The following AP4E1 variants were observed in gnomAD, a reference collection of about 807,000 sequenced individuals.
AP4E1 encodes the protein AP-4 complex subunit epsilon-1.
In AP4E1, 56 loss-of-function variants were observed where a neutral mutation model predicts 128.2. The ratio of observed to expected loss-of-function variants is 0.44; its 90% CI spans 0.35 to 0.55. The LOEUF is 0.55. AP4E1 is among the 20% of genes least tolerant of loss of function. The pLI is 0.00. For missense variants in AP4E1, 1,324 were observed against 1,307.7 expected, an observed-to-expected ratio of 1.01 and a Z score of -0.19; for synonymous variants, 484 against 473.1, an observed-to-expected ratio of 1.02 and a Z score of -0.30.
At chr15:50,990,848 G>A (rs989838628) in intron 16 of AP4E1, among the ~76,000 whole-genome samples, 5 of 152,106 alleles carry the variant, frequency 3.3e-5, no homozygotes, top group African/African-American at 1.2e-4. Context: ...TTTGCCAGTT[G>A]TGGATTGAGT....
intron 15 of AP4E1, among the ~76,000 whole-genome samples, chr15:50,981,636 G>T (rs1378946253): frequency 6.6e-6 from 1 of 152,200 alleles, no homozygotes; most frequent in Non-Finnish European, 1.5e-5. Flanking sequence ...GGAGCAGAAT[G>T]CTATGGTGTG....
Position 50,908,810 on chromosome 15 carries a change from C to T in AP4E1, c.32C>T (p.Ala11Val), listed in dbSNP as rs775028915. The T allele has an allele frequency of 5.6e-6, 9 of 1,600,854 alleles. No homozygotes were observed. The highest frequency in any genetic ancestry group is 7.7e-6 in the Non-Finnish European group (9 of 1,175,226). Residue 11 changes from alanine (A) to valine (V), a missense_variant, in exon 1 of 21, where the codon GCG becomes GTG. By Grantham distance (64) the Ala-to-Val change is moderately conservative (BLOSUM62 0). Transcript: ENST00000261842. ...GACATAGTGGAGAAGACGCTGACGG[C>T]GCTGCCGGGACTCTTTCTGCAGAAC... MSDIVEKTLT[A>V]LPGLFLQNQP...
intron 15 of AP4E1, among the ~76,000 whole-genome samples, chr15:50,982,215 T>C (rs2064653368): frequency 6.6e-6 from 1 of 152,134 alleles, no homozygotes; most frequent in African/African-American, 2.4e-5. Flanking sequence ...TGCCATGCTC[T>C]TGGACTTCTC....
chr15:50,908,281 G>A (rs1366475330), upstream of AP4E1, among the ~76,000 whole-genome samples: 1 of 151,832 alleles, frequency 6.6e-6, no homozygotes, highest in African/African-American at 2.4e-5. Flanking sequence ...GGGGACCCGC[G>A]TGAAACCGCC....
At position 50,997,474 on chromosome 15, in the gene AP4E1, C is replaced by G. The variant is rs144189610; in HGVS notation, c.2495C>G (p.Ser832Trp). 14 of 1,613,836 alleles carry G rather than the reference C, an allele frequency of 8.7e-6. No homozygotes were observed. Among genetic ancestry groups the G allele is most frequent in the Non-Finnish European group, 1.2e-5 (14 of 1,179,974 alleles). ...SNVAYEDDYY[S>W]NTLHDTGDKE... ...GTGGCATATGAAGATGATTATTATT[C>G]GAATACTTTGCACGATACAGGAGAC... The change falls in exon 18 of 21, where the codon TCG becomes TGG. Residue 832 changes from serine (S) to tryptophan (W), a missense_variant. Coordinates refer to ENST00000261842, the MANE Select transcript of AP4E1 (RefSeq NM_007347.5).
rs201904663 is a variant in AP4E1 at position 50,949,806 on chromosome 15, G to A, written c.1317-20G>A. The A allele has an allele frequency of 6.4e-7, 1 of 1,558,030 alleles. No homozygotes were observed. Among genetic ancestry groups the A allele is most frequent in the African/African-American group, 1.4e-5 (1 of 73,940 alleles). ...ATAAGTAGCATTTGGAAGTGTACTT[G>A]TTCTTAACACTGTGGACACATATGC... On this transcript the variant is annotated intron_variant, in intron 11 of 20. Transcript: ENST00000261842.
intron 2 of AP4E1, among the ~76,000 whole-genome samples, chr15:50,913,666 C>T (rs2063592077): frequency 6.6e-6 from 1 of 152,200 alleles, no homozygotes; most frequent in Non-Finnish European, 1.5e-5. Context: ...TTTTGAAAAA[C>T]TCTGAGATAA....
intron 15 of AP4E1, among the ~76,000 whole-genome samples, chr15:50,969,654 ATCTT>A (rs1417661316): frequency 3.4e-5 from 5 of 147,560 alleles, no homozygotes; most frequent in South Asian, 2.2e-4. Flanking sequence ...AACATTCAAT[ATCTT>A]TCTTTTTTTT....
Position 50,962,889 on chromosome 15 carries a change from C to CAAAAAAAAAAAAAAAAAAAAAAAAAA in AP4E1, c.1851+4097_1851+4122dup, listed in dbSNP as rs71127168. Among the ~76,000 whole-genome samples the CAAAAAAAAAAAAAAAAAAAAAAAAAA allele has an allele frequency of 3.1e-4, 12 of 38,718 alleles. 2 individuals are homozygous for CAAAAAAAAAAAAAAAAAAAAAAAAAA. The highest frequency in any genetic ancestry group is 1.3e-3 in the African/African-American group (11 of 8,728). The allele number at this position is 38,718 out of a possible 152,430, so 25.4% of individuals were successfully genotyped here. A position where few individuals can be genotyped will look rare whatever the true frequency, so the allele number is the denominator to read the frequency against. ...ATATATAAGGAACTCAATTCAACAG[C>CAAAAAAAAAAAAAAAAAAAAAAAAAA]AAAAAAAAAAAAAAAAAAAAAAAAA... On this transcript the variant is annotated intron_variant, in intron 14 of 20. Transcript: ENST00000261842.
chr15:50,975,982 AAGAG>A (rs1022633545), intron 15 of AP4E1, among the ~76,000 whole-genome samples: 1 of 143,882 alleles, frequency 7.0e-6, no homozygotes, highest in African/African-American at 2.6e-5. Flanking sequence ...GAGAGAGAGA[AAGAG>A]AGAGAGAGTT....
upstream of AP4E1, chr15:50,908,656 TA>T (rs1375202313): frequency 9.7e-6 from 12 of 1,232,718 alleles, no homozygotes; most frequent in African/African-American, 1.6e-5. Flanking sequence ...GGGACGCCAA[TA>T]AAGATTTCTT....
chr15:50,946,159 AT>A (rs1567227744), intron 10 of AP4E1, among the ~76,000 whole-genome samples: 1 of 152,212 alleles, frequency 6.6e-6, no homozygotes, highest in Non-Finnish European at 1.5e-5. Flanking sequence ...TGCCTAGTTG[AT>A]AAAGACTATC....
At chr15:50,952,625 C>G (rs188834412) in intron 13 of AP4E1, among the ~76,000 whole-genome samples, 134 of 152,214 alleles carry the variant, frequency 8.8e-4, no homozygotes, top group Non-Finnish European at 1.0e-3. Context: ...TTATTCTCCT[C>G]CTTTCAATCC....
intron 13 of AP4E1, among the ~76,000 whole-genome samples, chr15:50,956,991 C>T (rs888008882): frequency 6.6e-6 from 1 of 152,090 alleles, no homozygotes; most frequent in African/African-American, 2.4e-5. Context: ...AGGAGCAAAA[C>T]TCTGTATGGG....
At chr15:50,929,956 C>G (rs930606106) in intron 6 of AP4E1, among the ~76,000 whole-genome samples, 2 of 151,678 alleles carry the variant, frequency 1.3e-5, no homozygotes, top group African/African-American at 4.8e-5. Flanking sequence ...ATATAATTTC[C>G]CCAGTCCAAG....
intron 14 of AP4E1, among the ~76,000 whole-genome samples, chr15:50,962,515 T>A (rs1342418876): frequency 6.6e-6 from 1 of 152,046 alleles, no homozygotes; most frequent in African/African-American, 2.4e-5. Flanking sequence ...TGACACCCTC[T>A]TCAATAAATA....
intron 8 of AP4E1, among the ~76,000 whole-genome samples, chr15:50,936,519 C>T (rs952221819): frequency 1.3e-5 from 2 of 151,980 alleles, no homozygotes; most frequent in Non-Finnish European, 2.9e-5. Context: ...TCCTTTCCAC[C>T]CTTATCACCC....
rs544761680 is a variant in AP4E1 at position 51,003,977 on chromosome 15, C to T, written c.*1315C>T. Reference sequence around the variant, plus strand: ...AATAGATTTCATTAGTCATTTGTGTCGAGTATTCCTCCCTAAAAACAAAAG... The same window carrying T: ...AATAGATTTCATTAGTCATTTGTGTTGAGTATTCCTCCCTAAAAACAAAAG... On this transcript the variant is annotated 3_prime_UTR_variant, in exon 21 of 21. Coordinates refer to ENST00000261842, the MANE Select transcript of AP4E1 (RefSeq NM_007347.5). 26 of 152,196 alleles carry T rather than the reference C, an allele frequency of 1.7e-4. No individual in the cohort carries two copies. The highest frequency in any genetic ancestry group is 1.4e-3 in the Admixed American group (22 of 15,272). 9.4% of individuals were successfully genotyped at this position (152,196 alleles called of 1,614,324 possible).
chr15:50,954,794 A>G (rs2064193889), intron 13 of AP4E1, among the ~76,000 whole-genome samples: 1 of 152,154 alleles, frequency 6.6e-6, no homozygotes. Context: ...TGCTGCACCC[A>G]TTAACTCGTC....
Sources: gnomAD v4.1 joint callset for allele counts (sites outside exome capture counted in the v4.1 genomes callset) on GRCh38, gnomAD v4.1.1 for gene constraint, MANE v1.5 for transcripts, NCBI Gene and HGNC (gene_info 2026-07-23, HGNC 2026-07-21) for gene names.